The following LRCH1 variants were observed in gnomAD, a reference collection of about 807,000 sequenced individuals.
LRCH1 encodes the protein leucine rich repeats and calponin homology domain containing 1.
A neutral mutation model predicts 94.9 loss-of-function variants in LRCH1; 23 were observed. The observed-to-expected ratio is 0.24, with a 90% CI of 0.17 to 0.34. The LOEUF (loss-of-function observed/expected upper bound fraction) is 0.34. Ranked by LOEUF, LRCH1 falls within the 10% of genes least tolerant of loss-of-function variation. The pLI, the probability that LRCH1 is intolerant of heterozygous loss-of-function variation, is 1.00. For missense variants in LRCH1, 790 were observed against 945.9 expected, an observed-to-expected ratio of 0.84 and a Z score of 2.16; for synonymous variants, 364 against 354.9, an observed-to-expected ratio of 1.03 and a Z score of -0.29.
At chr13:46,727,921 C>CTTTCTTTCT (rs764138424) in intron 17 of LRCH1, among the ~76,000 whole-genome samples, 27 of 146,446 alleles carry the variant, frequency 1.8e-4, no homozygotes, top group South Asian at 1.1e-3. Flanking sequence ...TTCTTTCTTT[C>CTTTCTTTCT]TTTTTTTTTT....
rs552734876 is a variant in LRCH1, at chr13:46,699,157, A to T, written c.1246-179A>T. On this transcript the variant is annotated intron_variant, in intron 9 of 19. Coordinates refer to ENST00000389797, the MANE Select transcript of LRCH1 (RefSeq NM_001164211.2). The stretch of plus-strand genomic sequence containing the variant: ...TTCCCCCTTTCTAAGGCTGAGTAAT[A>T]TTCTAGTGCATGTACATACCAGATT... Among the ~76,000 whole-genome samples, 7 of 152,356 alleles carry T rather than the reference A, an allele frequency of 4.6e-5. 1 individual carries two copies. The South Asian group carries it at 1.5e-3, about 32-fold the overall frequency.
At chr13:46,712,690 T>C (rs1052730988) in intron 15 of LRCH1, 93 bp downstream of exon 15, 18 of 1,141,134 alleles carry the variant, frequency 1.6e-5, no homozygotes, top group Non-Finnish European at 2.4e-5. Context: ...TGCACATCCT[T>C]GTCAGTTCTG....
intron 1 of LRCH1, among the ~76,000 whole-genome samples, chr13:46,575,519 T>C (rs2050294417): frequency 7.0e-6 from 1 of 142,378 alleles, no homozygotes; most frequent in South Asian, 2.1e-4. Context: ...AATGTGTGTG[T>C]GTGTGTGTGT....
intron 2 of LRCH1, 34 bp downstream of exon 2, chr13:46,650,379 G>A (rs41284183): frequency 0.096 from 146,454 of 1,521,464 alleles, 7,534 homozygotes; most frequent in Middle Eastern, 0.11. Flanking sequence ...ATCAAATTCA[G>A]TGAAAGAAAT....
chr13:46,672,548 G>T (rs1016481485), intron 3 of LRCH1, among the ~76,000 whole-genome samples: 4 of 152,102 alleles, frequency 2.6e-5, no homozygotes, highest in Non-Finnish European at 5.9e-5. Flanking sequence ...AGAGTCAGCC[G>T]CATACTAGAG....
In LRCH1 at chr13:46,563,177, C is replaced by T. The variant is rs188507010; in HGVS notation, c.307+9474C>T. ...AAAACTAATCAATATCTTTTGAGCA[C>T]TTATTGTGTAAGGAGCATAGCCAAA... On this transcript the variant is annotated intron_variant, in intron 1 of 19. Coordinates refer to ENST00000389797, the MANE Select transcript of LRCH1 (RefSeq NM_001164211.2). Among the ~76,000 whole-genome samples the T allele has an allele frequency of 3.9e-3, 592 of 152,270 alleles. 4 individuals are homozygous for T. Among genetic ancestry groups the T allele is most frequent in the South Asian group, 0.026 (126 of 4,822 alleles).
chr13:46,621,255 A>G (rs2050876998), intron 1 of LRCH1, among the ~76,000 whole-genome samples: 1 of 152,186 alleles, frequency 6.6e-6, no homozygotes, highest in African/African-American at 2.4e-5. Context: ...GATTTTCTGC[A>G]TCTGTTCATA....
intron 1 of LRCH1, among the ~76,000 whole-genome samples, chr13:46,616,131 G>T (rs930294336): frequency 6.6e-6 from 1 of 152,210 alleles, no homozygotes; most frequent in Non-Finnish European, 1.5e-5. Flanking sequence ...CCTGGAGCGG[G>T]TTTAAGTTTC....
At chr13:46,730,217 C>T (rs74080140) in intron 18 of LRCH1, among the ~76,000 whole-genome samples, 450 of 152,294 alleles carry the variant, frequency 3.0e-3, no homozygotes, top group African/African-American at 1.0e-2. Flanking sequence ...AAAAGCTATA[C>T]AACTTTGGGC....
chr13:46,742,489 C>T lies in LRCH1; in HGVS notation c.*641C>T. On this transcript the variant is annotated 3_prime_UTR_variant, in exon 20 of 20. Coordinates refer to ENST00000389797, the MANE Select transcript of LRCH1 (RefSeq NM_001164211.2). The stretch of plus-strand genomic sequence containing the variant: ...GGGCGCTGGGCAGTGTGGCCGCCAA[C>T]TTCCACCCCGGCAAGCCCCTCTGTC... 1.0e-6 allele frequency: 1 copy of T among 985,898 alleles called. No homozygotes were observed. Among genetic ancestry groups the T allele is most frequent in the Non-Finnish European group, 1.2e-6 (1 of 830,280 alleles). 61.1% of individuals were successfully genotyped at this position (985,898 alleles called of 1,614,324 possible). A position where few individuals can be genotyped will look rare whatever the true frequency, so the allele number is the denominator to read the frequency against.
At chr13:46,695,168 G>A (rs1025766021) in intron 9 of LRCH1, 151 bp downstream of exon 9, 36 of 874,230 alleles carry the variant, frequency 4.1e-5, no homozygotes, top group Non-Finnish European at 6.2e-5. Context: ...CGCTCAGCGT[G>A]TCTATTTGCT....
At chr13:46,733,238 A>G (rs944256320) in intron 18 of LRCH1, among the ~76,000 whole-genome samples, 4 of 152,230 alleles carry the variant, frequency 2.6e-5, no homozygotes, top group African/African-American at 9.7e-5. Context: ...AGTATATTAT[A>G]TATGAAATGT....
intron 16 of LRCH1, among the ~76,000 whole-genome samples, chr13:46,718,345 T>C (rs538299052): frequency 1.7e-4 from 26 of 152,220 alleles, no homozygotes; most frequent in Non-Finnish European, 3.5e-4. Context: ...ACTATAGGTA[T>C]TATTTTTCCC....
intron 2 of LRCH1, among the ~76,000 whole-genome samples, chr13:46,658,312 A>G (rs1449222649): frequency 6.6e-6 from 1 of 152,048 alleles, no homozygotes; most frequent in East Asian, 1.9e-4. Context: ...CTCATTGATT[A>G]CCAGTGATTT....
intron 1 of LRCH1, among the ~76,000 whole-genome samples, chr13:46,563,586 A>G (rs1216310142): frequency 6.6e-6 from 1 of 152,234 alleles, no homozygotes; most frequent in African/African-American, 2.4e-5. Flanking sequence ...CAGTTATTCT[A>G]TGTCAGGTAT....
rs201437943 is a variant in LRCH1, at chr13:46,695,015, A to C, written c.1243A>C (p.Lys415Gln). 22 of 1,612,860 alleles carry C rather than the reference A, an allele frequency of 1.4e-5. No homozygotes were observed. The East Asian group carries it at 4.5e-4, about 33-fold the overall frequency. ...TCTCCATTCGGAATTTATGAACTATAAGGCAAGATTTTCAGGATCAACTAC... is the reference window on the plus strand; with the variant it reads ...TCTCCATTCGGAATTTATGAACTATCAGGCAAGATTTTCAGGATCAACTAC... ...DGLHSEFMNY[K>Q]ARAEDCEELL... The change falls in exon 9 of 20, where the codon AAG becomes CAG. Residue 415 changes from lysine (K) to glutamine (Q), a missense_variant and splice_region_variant. Around this residue, in one of 3 missense-constraint regions of LRCH1, gnomAD observed 460 missense variants for 508.9 expected, o/e 0.90. Coordinates refer to ENST00000389797, the MANE Select transcript of LRCH1 (RefSeq NM_001164211.2).
chr13:46,656,604 T>G (rs553195321), intron 2 of LRCH1, among the ~76,000 whole-genome samples: 8 of 152,346 alleles, frequency 5.3e-5, no homozygotes, highest in Non-Finnish European at 4.4e-5. Context: ...TGAACTGACT[T>G]AAAATTTGAA....
chr13:46,645,188 T>C (rs1325772060), intron 1 of LRCH1, among the ~76,000 whole-genome samples: 1 of 152,254 alleles, frequency 6.6e-6, no homozygotes, highest in African/African-American at 2.4e-5. Flanking sequence ...TATTCTAGCA[T>C]GTTTTTAGCA....
intron 1 of LRCH1, among the ~76,000 whole-genome samples, chr13:46,596,734 C>T (rs995570153): frequency 3.9e-5 from 6 of 152,190 alleles, no homozygotes; most frequent in Non-Finnish European, 5.9e-5. Flanking sequence ...GAACAGCTTG[C>T]GATTGGATCA....
Sources: allele counts gnomAD v4.1 joint callset (sites outside exome capture counted in the v4.1 genomes callset), GRCh38; gene constraint gnomAD v4.1.1; regional missense constraint gnomAD v4.1.1; transcripts MANE v1.5; gene names NCBI Gene and HGNC (gene_info 2026-07-23, HGNC 2026-07-21).